COPS2: variants seen among roughly 807,000 people sequenced by gnomAD.
The protein encoded by COPS2 is COP9 signalosome subunit 2.
A neutral mutation model predicts 66.1 loss-of-function variants in COPS2; 10 were observed. The ratio of observed to expected loss-of-function variants is 0.15; its 90% confidence interval spans 0.09 to 0.26. The LOEUF (loss-of-function observed/expected upper bound fraction) is 0.26. Among genes scored for constraint, COPS2 ranks in the 10% least tolerant of loss-of-function variants. The pLI, the probability that COPS2 is intolerant of heterozygous loss-of-function variation, is 1.00. For missense variants in COPS2, 215 were observed against 513.3 expected, an observed-to-expected ratio of 0.42 and a Z score of 5.62; for synonymous variants, 179 against 171.3, an observed-to-expected ratio of 1.04 and a Z score of -0.35.
intron 12 of COPS2, among the ~76,000 whole-genome samples, chr15:49,128,390 T>C (rs917697533): frequency 1.3e-5 from 2 of 152,220 alleles, no homozygotes; most frequent in Non-Finnish European, 2.9e-5. Flanking sequence ...TCAAGTAAGA[T>C]ACAATTTCAA....
At chr15:49,140,225 T>C (rs2084282022) in intron 3 of COPS2, among the ~76,000 whole-genome samples, 1 of 151,750 alleles carries the variant, frequency 6.6e-6, no homozygotes, top group African/African-American at 2.4e-5. Flanking sequence ...GAACTCCCGA[T>C]CTCAGGTGAT....
At chr15:49,142,466 C>G (rs189596231) in intron 3 of COPS2, among the ~76,000 whole-genome samples, 11 of 152,150 alleles carry the variant, frequency 7.2e-5, no homozygotes, top group African/African-American at 1.4e-4. Context: ...ACTAGTCAGA[C>G]GGGATAGAGA....
chr15:49,145,148 G>A, intron 1 of COPS2, 70 bp from the exon 2 acceptor site: 1 of 793,310 alleles, frequency 1.3e-6, no homozygotes, highest in South Asian at 1.9e-5. Flanking sequence ...CGTAAAAAGT[G>A]AATGCTGTTA....
intron 1 of COPS2, 118 bp downstream of exon 1, chr15:49,155,407 G>A: frequency 1.1e-6 from 1 of 892,474 alleles, no homozygotes; most frequent in Admixed American, 2.0e-5. Context: ...TCCTGTCACC[G>A]CACTGAGAGA....
rs568344863 is a variant in COPS2, at chr15:49,142,507, T to C, written c.246+1720A>G. Among the ~76,000 whole-genome samples, 4 of 152,282 alleles carry C rather than the reference T, an allele frequency of 2.6e-5. No homozygotes were observed. The South Asian group carries it at 8.3e-4, about 32-fold the overall frequency. ...ATGGAGAGGTGGAGGAAACATATCA[T>C]ATGGGAAATACAAAAACAGGGGAAA... On this transcript the variant is annotated intron_variant, in intron 3 of 12. Transcript: ENST00000388901.
In COPS2 at chr15:49,144,961, A is replaced by G. The variant is rs1404735719; in HGVS notation, c.168+4T>C. On this transcript the variant is annotated splice_donor_region_variant and intron_variant, in intron 2 of 12. Coordinates refer to ENST00000388901, the MANE Select transcript of COPS2 (RefSeq NM_004236.4). ...CATAGAATCAAATGGAAAAGAATAT[A>G]AACCTTTTGGAAACTGCTTAATGCC... 2 of 1,514,442 alleles carry G rather than the reference A, an allele frequency of 1.3e-6. No homozygotes were observed. Among genetic ancestry groups the G allele is most frequent in the Non-Finnish European group, 1.8e-6 (2 of 1,111,006 alleles). The allele number at this position is 1,514,442 out of a possible 1,614,324, so 93.8% of individuals were successfully genotyped here.
rs768435044 is a variant in COPS2 at position 49,127,799 on chromosome 15, C to T, written c.*151G>A. 24 of 787,524 alleles carry T rather than the reference C, an allele frequency of 3.0e-5. No individual in the cohort carries two copies. The highest frequency in any genetic ancestry group is 4.5e-5 in the Non-Finnish European group (23 of 514,982). The allele number at this position is 787,524 out of a possible 1,614,324, so 48.8% of individuals were successfully genotyped here. Reference sequence around the variant, plus strand: ...TCTTGGGATAAATGCAGCAGCAAAACACAAACCAGTTGATCAAAAAAGCAC... The same window carrying T: ...TCTTGGGATAAATGCAGCAGCAAAATACAAACCAGTTGATCAAAAAAGCAC... On this transcript the variant is annotated 3_prime_UTR_variant, in exon 13 of 13. Transcript: ENST00000388901.
At chr15:49,146,557 A>G (rs1001435028) in intron 1 of COPS2, among the ~76,000 whole-genome samples, 12 of 152,174 alleles carry the variant, frequency 7.9e-5, no homozygotes, top group Admixed American at 6.5e-4. Flanking sequence ...AGAGAATAGT[A>G]CACGTAGTAA....
intron 1 of COPS2, among the ~76,000 whole-genome samples, chr15:49,149,666 G>A (rs1412117338): frequency 1.3e-5 from 2 of 152,204 alleles, no homozygotes; most frequent in East Asian, 3.9e-4. Flanking sequence ...TATCTGGAAT[G>A]TCGCTACTGC....
chr15:49,140,181 G>T (rs1211710193), intron 3 of COPS2, among the ~76,000 whole-genome samples: 1 of 151,444 alleles, frequency 6.6e-6, no homozygotes, highest in African/African-American at 2.4e-5. Flanking sequence ...TTTTAGTAGG[G>T]ACAGGGTTTC....
At chr15:49,148,134 A>G (rs548616571) in intron 1 of COPS2, among the ~76,000 whole-genome samples, 1 of 152,290 alleles carries the variant, frequency 6.6e-6, no homozygotes, top group African/African-American at 2.4e-5. Flanking sequence ...AGTCTTTGGA[A>G]GAACAATTCT....
intron 9 of COPS2, among the ~76,000 whole-genome samples, chr15:49,131,443 T>C (rs1194977705): frequency 6.6e-6 from 1 of 151,528 alleles, no homozygotes; most frequent in Non-Finnish European, 1.5e-5. Context: ...GAAATAATTC[T>C]GTAAAGCTCT....
At position 49,126,345 on chromosome 15, in the gene COPS2, AAT is replaced by A. The variant is rs2084166163; in HGVS notation, c.*1603_*1604del. 6.6e-6 allele frequency: 1 copy of A among 152,304 alleles called. No individual in the cohort carries two copies. The highest frequency in any genetic ancestry group is 2.4e-5 in the African/African-American group (1 of 41,390). The allele number at this position is 152,304 out of a possible 1,614,324, so 9.4% of individuals were successfully genotyped here. Reference sequence around the variant, plus strand: ...CTAAGGATTATATATTTTTAGTATAAATATATATCACATATTTTCGTAAAATT... The same window carrying A: ...CTAAGGATTATATATTTTTAGTATAAATATATCACATATTTTCGTAAAATT... On this transcript the variant is annotated 3_prime_UTR_variant, in exon 13 of 13. Transcript: ENST00000388901.
intron 5 of COPS2, 22 bp from the exon 6 acceptor site, chr15:49,137,249 A>C: frequency 6.4e-7 from 1 of 1,570,578 alleles, no homozygotes; most frequent in Non-Finnish European, 8.7e-7. Flanking sequence ...CAAATTTATT[A>C]AAATCAAGAT....
In COPS2 at chr15:49,144,803, G is replaced by C. The variant is rs10519211; in HGVS notation, c.168+162C>G. On this transcript the variant is annotated intron_variant, in intron 2 of 12. Transcript: ENST00000388901. ...GACAGCTTGATTGGAAAAAACATCA[G>C]GATAACCGTTTTGAAACACTTGCTT... Among the ~76,000 whole-genome samples, 1,187 of 152,148 alleles carry C rather than the reference G, an allele frequency of 7.8e-3. 41 individuals carry two copies. The highest frequency in any genetic ancestry group is 0.076 in the South Asian group (364 of 4,818).
chr15:49,144,367 C>T (rs769689873), intron 2 of COPS2, 63 bp from the exon 3 acceptor site: 3 of 917,556 alleles, frequency 3.3e-6, no homozygotes, highest in African/African-American at 3.3e-5. Context: ...TAATGATGCC[C>T]AATGTGTAAG....
At chr15:49,145,978 A>G (rs1225259059) in intron 1 of COPS2, among the ~76,000 whole-genome samples, 2 of 152,182 alleles carry the variant, frequency 1.3e-5, no homozygotes, top group East Asian at 3.8e-4. Flanking sequence ...GTACCTGGAA[A>G]CAAACACAAA....
intron 12 of COPS2, among the ~76,000 whole-genome samples, chr15:49,128,427 C>T (rs1424188957): frequency 6.6e-6 from 1 of 152,188 alleles, no homozygotes; most frequent in Non-Finnish European, 1.5e-5. Context: ...ATACCCTATA[C>T]TTAAAAACAT....
Position 49,134,127 on chromosome 15 carries a change from G to A in COPS2, c.716-19C>T. ...CCACATTCTGTGAAGAATAAGACAT[G>A]AGAAAATAGGACATTTTCAGTTCTG... On this transcript the variant is annotated intron_variant, in intron 7 of 12. Transcript: ENST00000388901. The A allele has an allele frequency of 1.3e-6, 2 of 1,585,694 alleles. No individual in the cohort carries two copies. Among genetic ancestry groups the A allele is most frequent in the Non-Finnish European group, 1.7e-6 (2 of 1,166,040 alleles).
Sources: gnomAD v4.1 joint callset for allele counts (sites outside exome capture counted in the v4.1 genomes callset) on GRCh38, gnomAD v4.1.1 for gene constraint, MANE v1.5 for transcripts, NCBI Gene and HGNC (gene_info 2026-07-23, HGNC 2026-07-21) for gene names.